Variants in SDC2 observed in about 807,000 individuals in gnomAD.
SDC2 encodes syndecan 2.
A neutral mutation model predicts 22.2 loss-of-function variants in SDC2; 13 were observed. The observed-to-expected ratio is 0.59, with a 90% CI of 0.38 to 0.93. The LOEUF (loss-of-function observed/expected upper bound fraction) is 0.93. Among genes scored for constraint, SDC2 ranks in the 40% least tolerant of loss-of-function variants. The pLI, the probability that SDC2 is intolerant of heterozygous loss-of-function variation, is 0.00. For missense variants in SDC2, 235 were observed against 246.8 expected (o/e 0.95, Z 0.32); for synonymous variants, 94 against 92.8 (o/e 1.01, Z -0.07).
chr8:96,553,267 G>C (rs1227426829), intron 1 of SDC2, among the ~76,000 whole-genome samples: 1 of 152,046 alleles, frequency 6.6e-6, no homozygotes, highest in Admixed American at 6.6e-5. Context: ...ATTCAATTTT[G>C]ATGCTGATCT....
At position 96,602,521 on chromosome 8, in the gene SDC2, A is replaced by C; in HGVS notation, c.299A>C (p.Gln100Pro). ...TLNIQNKIPA[Q>P]TKSPEETDKE... Reference sequence around the variant, plus strand: ...AATATACAGAACAAGATACCTGCTCAGACAAAGGTGCGTTCTATTTTCCAT... The same window carrying C: ...AATATACAGAACAAGATACCTGCTCCGACAAAGGTGCGTTCTATTTTCCAT... The change falls in exon 3 of 5, where the codon CAG (glutamine) becomes CCG (proline). Residue 100 changes from glutamine (Q) to proline (P), a missense_variant. Physicochemically the swap from Gln to Pro is moderately conservative, Grantham distance 76. Transcript: ENST00000302190. 1 of 1,614,046 alleles carries C rather than the reference A, an allele frequency of 6.2e-7. No homozygotes were observed. Among genetic ancestry groups the C allele is most frequent in the Non-Finnish European group, 8.5e-7 (1 of 1,179,944 alleles).
rs758495509 is a variant in SDC2 at position 96,608,399 on chromosome 8, C to G, written c.371C>G (p.Ala124Gly). The G allele has an allele frequency of 1.2e-6, 2 of 1,613,688 alleles. No individual in the cohort carries two copies. Among genetic ancestry groups the G allele is most frequent in the African/African-American group, 1.3e-5 (1 of 74,918 alleles). ...GACTCAGAAAGGAAAATGGACCCAG[C>G]CGAAGAGGATACAAATGTGTATACT... ...LSDSERKMDP[A>G]EEDTNVYTEK... The change falls in exon 4 of 5, where the codon GCC (alanine) becomes GGC (glycine). Residue 124 changes from alanine (A) to glycine (G), a missense_variant. By Grantham distance (60) the Ala-to-Gly change is moderately conservative. Transcript: ENST00000302190.
At chr8:96,590,862 A>G (rs1814769091) in intron 1 of SDC2, among the ~76,000 whole-genome samples, 1 of 152,144 alleles carries the variant, frequency 6.6e-6, no homozygotes, top group Admixed American at 6.5e-5. Flanking sequence ...TAAACACATT[A>G]AACATCTGGT....
chr8:96,559,350 C>T (rs1043370905), intron 1 of SDC2, among the ~76,000 whole-genome samples: 6 of 152,078 alleles, frequency 3.9e-5, no homozygotes, highest in East Asian at 1.9e-4. Context: ...AGAGGGTGAC[C>T]GACCTTGTTG....
intron 1 of SDC2, among the ~76,000 whole-genome samples, chr8:96,497,257 A>G (rs1813090907): frequency 6.6e-6 from 1 of 152,188 alleles, no homozygotes; most frequent in Admixed American, 6.5e-5. Flanking sequence ...GCAGTTCTTT[A>G]GAAAATATAG....
intron 1 of SDC2, among the ~76,000 whole-genome samples, chr8:96,507,982 T>C (rs1282655003): frequency 6.6e-6 from 1 of 151,648 alleles, no homozygotes; most frequent in Non-Finnish European, 1.5e-5. Context: ...GCCAACATGG[T>C]GAAACCCTGT....
intron 2 of SDC2, among the ~76,000 whole-genome samples, chr8:96,601,513 C>T (rs750762275): frequency 5.9e-5 from 9 of 151,658 alleles, no homozygotes; most frequent in South Asian, 2.1e-4. Flanking sequence ...TCGTAGCATG[C>T]GCCTGTAGTC....
At chr8:96,513,819 A>G (rs1245469962) in intron 1 of SDC2, among the ~76,000 whole-genome samples, 1 of 152,192 alleles carries the variant, frequency 6.6e-6, no homozygotes, top group African/African-American at 2.4e-5. Flanking sequence ...GGAACAGGCT[A>G]CTTAAGCAGG....
chr8:96,510,256 G>C (rs1336497789), intron 1 of SDC2, among the ~76,000 whole-genome samples: 1 of 152,112 alleles, frequency 6.6e-6, no homozygotes, highest in Non-Finnish European at 1.5e-5. Flanking sequence ...CTTAATAATG[G>C]TCTTCTTACC....
intron 1 of SDC2, among the ~76,000 whole-genome samples, chr8:96,530,480 A>G (rs762549767): frequency 1.3e-5 from 2 of 152,226 alleles, no homozygotes; most frequent in South Asian, 2.1e-4. Context: ...CTAAAAATAT[A>G]AAAATTAGCT....
intron 1 of SDC2, among the ~76,000 whole-genome samples, chr8:96,548,927 A>G (rs1353107499): frequency 6.6e-6 from 1 of 152,190 alleles, no homozygotes; most frequent in African/African-American, 2.4e-5. Context: ...AGAACTTCCT[A>G]GAGCATTCTA....
At chr8:96,502,511 A>C (rs1334091460) in intron 1 of SDC2, among the ~76,000 whole-genome samples, 3 of 93,330 alleles carry the variant, frequency 3.2e-5, no homozygotes, top group African/African-American at 1.1e-4. Context: ...GGTCTTTTTA[A>C]ACTATAAATC....
intron 1 of SDC2, among the ~76,000 whole-genome samples, chr8:96,508,342 A>AATT (rs1246050383): frequency 1.4e-4 from 17 of 124,148 alleles, no homozygotes; most frequent in African/African-American, 5.2e-4. Flanking sequence ...TAATAATAAT[A>AATT]ATTAGCCGGG....
At chr8:96,593,838 G>A (rs557616469) in intron 2 of SDC2, among the ~76,000 whole-genome samples, 35 of 152,286 alleles carry the variant, frequency 2.3e-4, no homozygotes, top group Admixed American at 7.2e-4. Context: ...CCTTACCATA[G>A]AGTTGTTGTG....
chr8:96,519,786 T>TCCA lies in SDC2; in HGVS notation c.60+25457_60+25459dup, dbSNP rs1371883639. Among the ~76,000 whole-genome samples, 12 of 152,078 alleles carry TCCA rather than the reference T, an allele frequency of 7.9e-5. No individual in the cohort carries two copies. The East Asian group carries it at 2.3e-3, about 29-fold the overall frequency. ...GTAGCTGGGATTACAGGCGCGCACC[T>TCCA]CCACGCATGGCTCGGTTTTTATATT... On this transcript the variant is annotated intron_variant, in intron 1 of 4. Transcript: ENST00000302190.
At chr8:96,508,296 A>AAATAATAAT (rs35792253) in intron 1 of SDC2, among the ~76,000 whole-genome samples, 158 of 130,916 alleles carry the variant, frequency 1.2e-3, no homozygotes, top group South Asian at 4.4e-3. Context: ...ACTCCGTCTC[A>AAATAATAAT]AATAATAATA....
At chr8:96,580,488 A>G (rs1814572170) in intron 1 of SDC2, 2 of 985,274 alleles carry the variant, frequency 2.0e-6, no homozygotes, top group Admixed American at 6.1e-5. Flanking sequence ...GGCATCTTAC[A>G]TGTGAGCATC....
intron 1 of SDC2, among the ~76,000 whole-genome samples, chr8:96,587,007 C>G (rs1275391730): frequency 6.6e-6 from 1 of 152,166 alleles, no homozygotes; most frequent in Non-Finnish European, 1.5e-5. Context: ...ACTGCAACCT[C>G]CGTCTCCTGG....
chr8:96,593,521 C>T lies in SDC2; in HGVS notation c.102C>T (p.Asn34=), dbSNP rs1490017611. 1 of 1,614,052 alleles carries T rather than the reference C, an allele frequency of 6.2e-7. No individual in the cohort carries two copies. Among genetic ancestry groups the T allele is most frequent in the Admixed American group, 1.7e-5 (1 of 60,034 alleles). Residue 34 remains asparagine (N), a synonymous_variant, in exon 2 of 5, where the codon AAC becomes AAT. Transcript: ENST00000302190. ...CTGATAAAGACATGTACCTTGACAA[C>T]AGCTCCATTGAAGAAGCTTCAGGAG... ...LTSDKDMYLD[N]SSIEEASGVY...
Sources: allele counts gnomAD v4.1 joint callset (sites outside exome capture counted in the v4.1 genomes callset), GRCh38; gene constraint gnomAD v4.1.1; transcripts MANE v1.5; gene names NCBI Gene and HGNC (gene_info 2026-07-23, HGNC 2026-07-21).